OR8B2: variants seen among roughly 807,000 people sequenced by gnomAD.
OR8B2 encodes olfactory receptor 8B2.
For synonymous variants in OR8B2, 98 were observed against 138.2 expected, an observed-to-expected ratio of 0.71 and a Z score of 2.04; for missense variants, 304 against 379.6, an observed-to-expected ratio of 0.80 and a Z score of 1.65.
the OR8B2 span, among the ~76,000 whole-genome samples, chr11:124,394,462 A>C: frequency 6.6e-6 from 1 of 152,264 alleles, no homozygotes; most frequent in East Asian, 1.9e-4. Context: ...CTCAGCCGGG[A>C]TGAAAAGAGA....
the OR8B2 span, chr11:124,396,626 G>C: frequency 6.2e-7 from 1 of 1,611,682 alleles, no homozygotes. Context: ...TGACATGAGA[G>C]CTACAAGTAC....
At chr11:124,394,582 A>G in the OR8B2 span, among the ~76,000 whole-genome samples, 1 of 152,196 alleles carries the variant, frequency 6.6e-6, no homozygotes, top group Admixed American at 6.6e-5. Context: ...CAGAAAAGAT[A>G]CATGTTAGAT....
chr11:124,390,096 C>G, the OR8B2 span, among the ~76,000 whole-genome samples: 1 of 152,108 alleles, frequency 6.6e-6, no homozygotes, highest in Non-Finnish European at 1.5e-5. Flanking sequence ...TTGTGCTTGG[C>G]CCTCTCAAGT....
chr11:124,389,436 C>T (rs1197752890), upstream of OR8B2, among the ~76,000 whole-genome samples: 4 of 152,112 alleles, frequency 2.6e-5, no homozygotes, highest in African/African-American at 7.2e-5. Context: ...GTGTGTAAAA[C>T]TGGTAAGTCA....
upstream of OR8B2, among the ~76,000 whole-genome samples, chr11:124,386,502 G>C (rs1463471082): frequency 1.4e-5 from 2 of 144,338 alleles, no homozygotes; most frequent in South Asian, 2.3e-4. Context: ...GTGAGAATAC[G>C]TGGTGTTTGG....
upstream of OR8B2, among the ~76,000 whole-genome samples, chr11:124,385,631 CTCTTT>C (rs1196239775): frequency 1.5e-5 from 1 of 64,800 alleles, no homozygotes; most frequent in Non-Finnish European, 2.7e-5. Flanking sequence ...TTCTCTCTCT[CTCTTT>C]TTTTTTTTTT....
At chr11:124,394,739 C>A in the OR8B2 span, among the ~76,000 whole-genome samples, 3 of 152,136 alleles carry the variant, frequency 2.0e-5, no homozygotes, top group South Asian at 6.2e-4. Flanking sequence ...TGCACCCCAC[C>A]GATGGGTCTC....
At chr11:124,384,243 G>A (rs1457005487) in intron 1 of OR8B2, 131 bp downstream of exon 1, 2 of 152,190 alleles carry the variant, frequency 1.3e-5, no homozygotes, top group Non-Finnish European at 2.9e-5. Context: ...CCAACAGAGA[G>A]AACAGTGTGA....
chr11:124,396,581 G>C, the OR8B2 span: 1 of 1,613,152 alleles, frequency 6.2e-7, no homozygotes, highest in Non-Finnish European at 8.5e-7. Context: ...TAATATACAT[G>C]AATGCCGCTG....
chr11:124,395,813 C>A, the OR8B2 span: 1 of 152,434 alleles, frequency 6.6e-6, no homozygotes, highest in Admixed American at 6.5e-5. Context: ...ATGCACTGGA[C>A]TGATAGAGGT....
chr11:124,383,487 G>C, intron 1 of OR8B2, 127 bp from the exon 2 acceptor site: 1 of 839,584 alleles, frequency 1.2e-6, no homozygotes, highest in East Asian at 2.6e-5. Flanking sequence ...TGAATGTACT[G>C]AATGTACTGC....
Position 124,383,014 on chromosome 11 carries a change from A to G in OR8B2, c.330T>C (p.Ser110=), listed in dbSNP as rs908885292. ...CCATTGAAGTCAACATGTAACATTCAGAGATGACGAAAAAGAGAAAGAAAA... is the reference window on the plus strand; with the variant it reads ...CCATTGAAGTCAACATGTAACATTCGGAGATGACGAAAAAGAGAAAGAAAA... The part of the protein sequence containing the change: ...RLFFFLFFVI[S]ECYMLTSMAY... The change falls in exon 2 of 2, where the codon TCT becomes TCC. Residue 110 remains serine (S), a synonymous_variant. Coordinates refer to ENST00000641451, the MANE Select transcript of OR8B2 (RefSeq NM_001005468.2). 5 of 1,613,878 alleles carry G rather than the reference A, an allele frequency of 3.1e-6. No homozygotes were observed. The highest frequency in any genetic ancestry group is 1.7e-6 in the Non-Finnish European group (2 of 1,179,856).
At chr11:124,385,445 C>G (rs1860682068), upstream of OR8B2, among the ~76,000 whole-genome samples, 1 of 151,482 alleles carries the variant, frequency 6.6e-6, no homozygotes, top group Admixed American at 6.6e-5. Context: ...GACATAGGTT[C>G]AATAATGTTA....
chr11:124,396,222 T>C, the OR8B2 span: 1 of 576,034 alleles, frequency 1.7e-6, no homozygotes, highest in East Asian at 2.9e-5. Flanking sequence ...ACCTATTTAG[T>C]AAAATTGTGA....
At chr11:124,388,548 A>G (rs1321905252), upstream of OR8B2, among the ~76,000 whole-genome samples, 1 of 152,170 alleles carries the variant, frequency 6.6e-6, no homozygotes, top group African/African-American at 2.4e-5. Context: ...GAGCCCGGAG[A>G]TTGGCATTTC....
the OR8B2 span, chr11:124,396,783 G>T: frequency 1.9e-6 from 3 of 1,613,202 alleles, no homozygotes; most frequent in Admixed American, 5.0e-5. Context: ...ATAGGTGCTG[G>T]TGCAGGAAAG....
At chr11:124,393,507 A>C in the OR8B2 span, among the ~76,000 whole-genome samples, 1 of 121,982 alleles carries the variant, frequency 8.2e-6, no homozygotes, top group Non-Finnish European at 1.6e-5. Context: ...AAAACACATG[A>C]AAAAACGTTC....
At chr11:124,385,633 CTT>C (rs10552688), upstream of OR8B2, among the ~76,000 whole-genome samples, 53,599 of 139,100 alleles carry the variant, frequency 0.39, 10,911 homozygotes, top group African/African-American at 0.55. Context: ...CTCTCTCTCT[CTT>C]TTTTTTTTTT....
rs768636611 is a variant in OR8B2 at position 124,382,663 on chromosome 11, A to G, written c.681T>C (p.His227=). 6.8e-6 allele frequency: 11 copies of G among 1,613,476 alleles called. No homozygotes were observed. The highest frequency in any genetic ancestry group is 5.3e-5 in the African/African-American group (4 of 74,998). Residue 227 remains histidine (H), a synonymous_variant, in exon 2 of 2, where the codon CAT becomes CAC. Transcript: ENST00000641451. ...SYVFIVTSIL[H]IKSTQGRSKA... ...TTGATCTTCCTTGAGTGGATTTGAT[A>G]TGAAGAATGCTAGTGACAATGAAAA...
Sources: allele counts gnomAD v4.1 joint callset (sites outside exome capture counted in the v4.1 genomes callset), GRCh38; gene constraint gnomAD v4.1.1; transcripts MANE v1.5; gene names NCBI Gene and HGNC (gene_info 2026-07-23, HGNC 2026-07-21).